The following PTPRT variants were observed in gnomAD, a reference collection of about 807,000 sequenced individuals.
The protein encoded by PTPRT is protein tyrosine phosphatase receptor type T, also known as receptor-type tyrosine-protein phosphatase T.
Under a neutral mutation model 176.8 loss-of-function variants are expected in PTPRT, and 56 were observed. That is an observed-to-expected ratio of 0.32 (90% CI 0.26 to 0.40). The LOEUF is 0.40. Among genes scored for constraint, PTPRT ranks in the 10% least tolerant of loss-of-function variants. The pLI is 1.00. For synonymous variants in PTPRT, 783 were observed against 739.0 expected, an observed-to-expected ratio of 1.06 and a Z score of -0.96; for missense variants, 1,540 against 1,908.2, an observed-to-expected ratio of 0.81 and a Z score of 3.60.
chr20:42,422,678 C>T (rs879464075), intron 9 of PTPRT, among the ~76,000 whole-genome samples: 1 of 152,192 alleles, frequency 6.6e-6, no homozygotes, highest in African/African-American at 2.4e-5. Context: ...TACCATTCGA[C>T]CCAGCAATCC....
At position 42,962,927 on chromosome 20, in the gene PTPRT, G is replaced by A. The variant is rs1037976316; in HGVS notation, c.89-76995C>T. 9.2e-5 allele frequency among the ~76,000 whole-genome samples: 14 copies of A among 152,128 alleles called. 1 individual carries two copies. Among genetic ancestry groups the A allele is most frequent in the Non-Finnish European group, 1.8e-4 (12 of 68,026 alleles). On this transcript the variant is annotated intron_variant, in intron 1 of 30. Transcript: ENST00000373187. Reference sequence around the variant, plus strand: ...ACTAAAAACAGTACAAGCTGGGCACGGTGGCTCACACCTGTAATCCCAGCA... The same window carrying A: ...ACTAAAAACAGTACAAGCTGGGCACAGTGGCTCACACCTGTAATCCCAGCA...
intron 1 of PTPRT, among the ~76,000 whole-genome samples, chr20:42,931,107 A>G (rs965042673): frequency 6.6e-6 from 1 of 152,142 alleles, no homozygotes; most frequent in Non-Finnish European, 1.5e-5. Context: ...GGGGGTAAGG[A>G]GTTAGACTTG....
intron 7 of PTPRT, among the ~76,000 whole-genome samples, chr20:42,500,323 A>C (rs2071729755): frequency 6.6e-6 from 1 of 152,040 alleles, no homozygotes; most frequent in Non-Finnish European, 1.5e-5. Context: ...CGGTCTACTC[A>C]CTACCCCCAT....
At chr20:42,455,278 A>C (rs2070901559) in intron 8 of PTPRT, among the ~76,000 whole-genome samples, 1 of 152,228 alleles carries the variant, frequency 6.6e-6, no homozygotes. Flanking sequence ...TCAATGAGTC[A>C]GTGCTGGTCC....
At chr20:42,131,778 A>G (rs919070354) in intron 18 of PTPRT, among the ~76,000 whole-genome samples, 2 of 152,370 alleles carry the variant, frequency 1.3e-5, no homozygotes, top group Non-Finnish European at 2.9e-5. Context: ...TTCCAAATCT[A>G]GAAGATGGGG....
chr20:42,828,718 T>C (rs2078038282), intron 2 of PTPRT, among the ~76,000 whole-genome samples: 1 of 152,172 alleles, frequency 6.6e-6, no homozygotes, highest in South Asian at 2.1e-4. Flanking sequence ...TCCTGTGCCC[T>C]AGCAGCTTCC....
Position 43,081,890 on chromosome 20 carries a change from A to G in PTPRT, c.88+107756T>C, listed in dbSNP as rs149093846. On this transcript the variant is annotated intron_variant, in intron 1 of 30. Transcript: ENST00000373187. ...CTACAATGGAGATTATCTATTTACC[A>G]CTATAATTCCTCCAATTATTACTTT... Among the ~76,000 whole-genome samples, 24 of 152,266 alleles carry G rather than the reference A, an allele frequency of 1.6e-4. No individual in the cohort carries two copies. The East Asian group carries it at 3.7e-3, about 23-fold the overall frequency.
intron 12 of PTPRT, among the ~76,000 whole-genome samples, chr20:42,284,227 T>A (rs554843536): frequency 6.6e-6 from 1 of 152,226 alleles, no homozygotes; most frequent in African/African-American, 2.4e-5. Context: ...AGACTATCAC[T>A]ATTATCCTTA....
chr20:42,425,159 G>A (rs751367289), intron 9 of PTPRT, among the ~76,000 whole-genome samples: 2 of 151,912 alleles, frequency 1.3e-5, no homozygotes, highest in Non-Finnish European at 1.5e-5. Flanking sequence ...TAGATGTCTG[G>A]GAAACATTGA....
At chr20:42,090,463 G>A (rs768641783) in intron 27 of PTPRT, among the ~76,000 whole-genome samples, 38 of 151,960 alleles carry the variant, frequency 2.5e-4, no homozygotes, top group Non-Finnish European at 1.6e-4. Flanking sequence ...CACTGTAGAA[G>A]CAGTGAGGTA....
intron 1 of PTPRT, among the ~76,000 whole-genome samples, chr20:43,029,198 C>T (rs974059110): frequency 6.6e-6 from 1 of 152,190 alleles, no homozygotes; most frequent in African/African-American, 2.4e-5. Flanking sequence ...TTTTTCAAAG[C>T]CATGATGGTA....
intron 9 of PTPRT, among the ~76,000 whole-genome samples, chr20:42,435,141 AGTGT>A (rs34354625): frequency 2.6e-5 from 4 of 151,548 alleles, no homozygotes; most frequent in Non-Finnish European, 4.4e-5. Context: ...TATATATAGG[AGTGT>A]GTGTGTGTGT....
At chr20:42,794,910 A>G (rs1416751002) in intron 2 of PTPRT, among the ~76,000 whole-genome samples, 1 of 152,052 alleles carries the variant, frequency 6.6e-6, no homozygotes, top group Non-Finnish European at 1.5e-5. Flanking sequence ...TTCCACATGT[A>G]GCCCACCTTA....
intron 1 of PTPRT, among the ~76,000 whole-genome samples, chr20:43,169,845 T>C (rs1478622521): frequency 6.6e-6 from 1 of 152,120 alleles, no homozygotes; most frequent in Non-Finnish European, 1.5e-5. Context: ...GAATTGTAGG[T>C]AAAGTAAGAG....
At chr20:42,729,505 A>G (rs1162924936) in intron 6 of PTPRT, among the ~76,000 whole-genome samples, 1 of 152,246 alleles carries the variant, frequency 6.6e-6, no homozygotes, top group African/African-American at 2.4e-5. Context: ...CTCTCGCTGC[A>G]TGCAAGGACA....
intron 11 of PTPRT, among the ~76,000 whole-genome samples, chr20:42,348,279 A>G (rs763994233): frequency 3.3e-5 from 5 of 152,184 alleles, no homozygotes; most frequent in Non-Finnish European, 4.4e-5. Context: ...AACTGAGTCT[A>G]CACCCACCCT....
At chr20:43,052,081 C>A (rs1382506976) in intron 1 of PTPRT, among the ~76,000 whole-genome samples, 1 of 152,146 alleles carries the variant, frequency 6.6e-6, no homozygotes, top group African/African-American at 2.4e-5. Context: ...ATGAGTTGGA[C>A]ACAGCACATG....
At chr20:42,340,719 C>T (rs2058099126) in intron 11 of PTPRT, among the ~76,000 whole-genome samples, 1 of 152,128 alleles carries the variant, frequency 6.6e-6, no homozygotes. Context: ...GAAAGTCTGA[C>T]CTTTGGGCAG....
chr20:43,183,456 C>G (rs553608270), intron 1 of PTPRT, among the ~76,000 whole-genome samples: 211 of 152,284 alleles, frequency 1.4e-3, no homozygotes, highest in Non-Finnish European at 2.3e-3. Context: ...ATCACAAGTG[C>G]ATTAGGGAGC....
Sources: gnomAD v4.1 joint callset for allele counts (sites outside exome capture counted in the v4.1 genomes callset) on GRCh38, gnomAD v4.1.1 for gene constraint, MANE v1.5 for transcripts, NCBI Gene and HGNC (gene_info 2026-07-23, HGNC 2026-07-21) for gene names.